Variants in KCNH8 observed in about 807,000 individuals in gnomAD.
The protein encoded by KCNH8 is potassium voltage-gated channel subfamily H member 8.
Under a neutral mutation model 103.6 loss-of-function variants are expected in KCNH8, and 70 were observed. The ratio of observed to expected loss-of-function variants is 0.68; its 90% confidence interval spans 0.56 to 0.82. KCNH8 has a LOEUF of 0.82. Among genes scored for constraint, KCNH8 ranks in the 40% least tolerant of loss-of-function variants. The pLI is 0.00. For synonymous variants in KCNH8, 498 were observed against 489.4 expected, an observed-to-expected ratio of 1.02 and a Z score of -0.23; for missense variants, 1,217 against 1,329.9, an observed-to-expected ratio of 0.92 and a Z score of 1.32.
At chr3:19,508,700 C>T (rs953694188) in intron 11 of KCNH8, among the ~76,000 whole-genome samples, 1 of 152,178 alleles carries the variant, frequency 6.6e-6, no homozygotes, top group Admixed American at 6.5e-5. Context: ...TGGGAGCTAA[C>T]TAGAAATTAG....
At chr3:19,364,923 A>G (rs141858679) in intron 5 of KCNH8, among the ~76,000 whole-genome samples, 188 of 152,280 alleles carry the variant, frequency 1.2e-3, no homozygotes, top group African/African-American at 4.2e-3. Context: ...AGGATGTGTA[A>G]CCACTACATT....
chr3:19,460,230 G>C (rs568676726), intron 11 of KCNH8, among the ~76,000 whole-genome samples: 4 of 152,132 alleles, frequency 2.6e-5, no homozygotes, highest in African/African-American at 9.6e-5. Context: ...TCCTAAAACA[G>C]CTTTTCTGGA....
rs1272200499 is a variant in KCNH8 at position 19,432,425 on chromosome 3, G to GA, written c.1178-5733dup. On this transcript the variant is annotated intron_variant, in intron 7 of 15. Coordinates refer to ENST00000328405, the MANE Select transcript of KCNH8 (RefSeq NM_144633.3). ...GCTTTTCACCAGCCTGAAACTTTGAGAAAAAAGAGAGGACAATAAGGAAAT... is the reference window on the plus strand; with the variant it reads ...GCTTTTCACCAGCCTGAAACTTTGAGAAAAAAAGAGAGGACAATAAGGAAAT... Among the ~76,000 whole-genome samples, 6 of 151,998 alleles carry GA rather than the reference G, an allele frequency of 3.9e-5. No individual in the cohort carries two copies. In the East Asian group the frequency reaches 1.2e-3, roughly 29 times the overall value.
chr3:19,481,161 T>C (rs548753419), intron 11 of KCNH8, among the ~76,000 whole-genome samples: 65 of 152,274 alleles, frequency 4.3e-4, no homozygotes, highest in African/African-American at 1.3e-3. Flanking sequence ...CAAGACTTCA[T>C]TGATTTTGTT....
At chr3:19,373,702 G>T (rs571145220) in intron 5 of KCNH8, among the ~76,000 whole-genome samples, 2 of 151,396 alleles carry the variant, frequency 1.3e-5, no homozygotes, top group South Asian at 2.1e-4. Flanking sequence ...TGTGATGTTA[G>T]GGTGTCAATT....
chr3:19,302,895 G>T (rs993343061), intron 3 of KCNH8, among the ~76,000 whole-genome samples: 1 of 152,132 alleles, frequency 6.6e-6, no homozygotes, highest in South Asian at 2.1e-4. Flanking sequence ...CCATCAGAAT[G>T]ACTCTTAAAA....
intron 1 of KCNH8, among the ~76,000 whole-genome samples, chr3:19,188,445 T>C (rs1251893245): frequency 6.6e-6 from 1 of 152,058 alleles, no homozygotes; most frequent in Non-Finnish European, 1.5e-5. Context: ...TGAATGTGGT[T>C]AGTTTCCAAT....
At chr3:19,260,266 G>A (rs1420597953) in intron 2 of KCNH8, among the ~76,000 whole-genome samples, 1 of 150,514 alleles carries the variant, frequency 6.6e-6, no homozygotes, top group Admixed American at 6.7e-5. Flanking sequence ...ACCACTATTT[G>A]GGCAACACGC....
At chr3:19,424,064 C>G (rs1348107877) in intron 7 of KCNH8, among the ~76,000 whole-genome samples, 1 of 151,940 alleles carries the variant, frequency 6.6e-6, no homozygotes, top group African/African-American at 2.4e-5. Flanking sequence ...CAGTGCAGTT[C>G]CCATCAACAT....
rs530996659 is a variant in KCNH8 at position 19,324,947 on chromosome 3, G to T, written c.443-17640G>T. Among the ~76,000 whole-genome samples, 4 of 152,178 alleles carry T rather than the reference G, an allele frequency of 2.6e-5. No homozygotes were observed. In the South Asian group the frequency reaches 8.3e-4, roughly 32 times the overall value. On this transcript the variant is annotated intron_variant, in intron 3 of 15. Coordinates refer to ENST00000328405, the MANE Select transcript of KCNH8 (RefSeq NM_144633.3). The stretch of plus-strand genomic sequence containing the variant: ...ACCTGATTTCAAACTGTACTATGGG[G>T]GTACAGTAACCAGAAGAGCATGGTA...
At chr3:19,328,150 C>T (rs2065457124) in intron 3 of KCNH8, among the ~76,000 whole-genome samples, 1 of 152,104 alleles carries the variant, frequency 6.6e-6, no homozygotes, top group African/African-American at 2.4e-5. Flanking sequence ...AAAAATGCTT[C>T]AAGATGTATT....
chr3:19,403,113 TAA>T (rs1338489208), intron 7 of KCNH8, among the ~76,000 whole-genome samples: 2 of 151,702 alleles, frequency 1.3e-5, no homozygotes, highest in Non-Finnish European at 3.0e-5. Flanking sequence ...ATTATTAATA[TAA>T]GTTTTATTAA....
At chr3:19,491,162 A>T (rs983377230) in intron 11 of KCNH8, among the ~76,000 whole-genome samples, 4 of 151,914 alleles carry the variant, frequency 2.6e-5, no homozygotes, top group Non-Finnish European at 4.4e-5. Flanking sequence ...TATATGTGTG[A>T]GTGTGTGTGT....
chr3:19,531,648 C>T (rs556468254), intron 15 of KCNH8, among the ~76,000 whole-genome samples: 3 of 152,310 alleles, frequency 2.0e-5, no homozygotes, highest in African/African-American at 7.2e-5. Flanking sequence ...TTTTAAATGC[C>T]TGACTTTGAG....
intron 1 of KCNH8, among the ~76,000 whole-genome samples, chr3:19,170,934 C>G (rs1390749336): frequency 6.6e-6 from 1 of 151,536 alleles, no homozygotes; most frequent in African/African-American, 2.4e-5. Flanking sequence ...GCCTCAGCCT[C>G]CCGAGCAGCT....
chr3:19,498,135 G>T (rs2068485293), intron 11 of KCNH8, among the ~76,000 whole-genome samples: 1 of 152,100 alleles, frequency 6.6e-6, no homozygotes, highest in Admixed American at 6.6e-5. Flanking sequence ...GATTGTCACT[G>T]CTTGTGAGAT....
intron 11 of KCNH8, among the ~76,000 whole-genome samples, chr3:19,490,175 G>C (rs1386370430): frequency 6.6e-6 from 1 of 152,216 alleles, no homozygotes; most frequent in African/African-American, 2.4e-5. Flanking sequence ...GCTGACTAAG[G>C]GGCTGACTCA....
intron 11 of KCNH8, among the ~76,000 whole-genome samples, chr3:19,505,042 CTATA>C (rs950595641): frequency 2.0e-5 from 3 of 149,488 alleles, no homozygotes; most frequent in African/African-American, 5.0e-5. Flanking sequence ...TATATATACA[CTATA>C]TATATACACA....
chr3:19,523,748 A>G (rs754866734), intron 15 of KCNH8, among the ~76,000 whole-genome samples: 3 of 152,004 alleles, frequency 2.0e-5, no homozygotes, highest in Non-Finnish European at 4.4e-5. Flanking sequence ...AGAAAACTGG[A>G]TACTGGCAAA....
Sources: gnomAD v4.1 joint callset for allele counts (sites outside exome capture counted in the v4.1 genomes callset) on GRCh38, gnomAD v4.1.1 for gene constraint, MANE v1.5 for transcripts, NCBI Gene and HGNC (gene_info 2026-07-23, HGNC 2026-07-21) for gene names.